NELL1: variants seen among roughly 807,000 people sequenced by gnomAD.
NELL1 encodes the protein neural EGFL like 1, also known as protein kinase C-binding protein NELL1.
In NELL1, 76 loss-of-function variants were observed where a neutral mutation model predicts 107.4. The ratio of observed to expected loss-of-function variants is 0.71; its 90% CI spans 0.59 to 0.86. NELL1 has a LOEUF of 0.86. Among genes scored for constraint, NELL1 ranks in the 40% least tolerant of loss-of-function variants. The pLI is 0.00. For missense variants in NELL1, 1,024 were observed against 1,005.5 expected, an observed-to-expected ratio of 1.02 and a Z score of -0.25; for synonymous variants, 353 against 341.2, an observed-to-expected ratio of 1.03 and a Z score of -0.38.
intron 2 of NELL1, among the ~76,000 whole-genome samples, chr11:20,765,554 T>C (rs1016547258): frequency 6.6e-6 from 1 of 152,154 alleles, no homozygotes; most frequent in Non-Finnish European, 1.5e-5. Flanking sequence ...AGCTGAAGCC[T>C]GAGTGATGAA....
intron 14 of NELL1, among the ~76,000 whole-genome samples, chr11:21,332,980 A>T (rs1850305417): frequency 6.6e-6 from 1 of 152,026 alleles, no homozygotes. Context: ...GTAGAAAATG[A>T]TGTGGTATAA....
chr11:20,827,968 C>A (rs1857921189), intron 3 of NELL1, among the ~76,000 whole-genome samples: 1 of 151,224 alleles, frequency 6.6e-6, no homozygotes, highest in South Asian at 2.1e-4. Flanking sequence ...TACCTACTCC[C>A]AACAGCCTCA....
At chr11:21,190,754 T>C (rs1857032247) in intron 13 of NELL1, among the ~76,000 whole-genome samples, 1 of 151,902 alleles carries the variant, frequency 6.6e-6, no homozygotes, top group South Asian at 2.1e-4. Context: ...TTTTCTCACT[T>C]GATATTGCAA....
chr11:20,814,087 C>T (rs945050447), intron 3 of NELL1, among the ~76,000 whole-genome samples: 3 of 151,912 alleles, frequency 2.0e-5, no homozygotes, highest in Non-Finnish European at 4.4e-5. Context: ...GCTCCACCTC[C>T]CGGGTTCATG....
At chr11:21,254,292 T>A (rs1013322850) in intron 14 of NELL1, among the ~76,000 whole-genome samples, 5 of 152,074 alleles carry the variant, frequency 3.3e-5, no homozygotes, top group African/African-American at 1.2e-4. Context: ...AGAACATTCA[T>A]AATGGTACCT....
intron 15 of NELL1, among the ~76,000 whole-genome samples, chr11:21,402,383 G>A (rs1279859675): frequency 3.3e-5 from 5 of 151,760 alleles, no homozygotes; most frequent in South Asian, 4.1e-4. Context: ...TAATATTTGC[G>A]TTTTACAGAG....
At chr11:20,744,373 T>C (rs917000566) in intron 2 of NELL1, among the ~76,000 whole-genome samples, 3 of 152,246 alleles carry the variant, frequency 2.0e-5, no homozygotes, top group Non-Finnish European at 4.4e-5. Flanking sequence ...ATCAGACCAG[T>C]CTTCTCACTG....
chr11:21,532,356 A>T (rs1443253491), intron 15 of NELL1, among the ~76,000 whole-genome samples: 1 of 152,176 alleles, frequency 6.6e-6, no homozygotes, highest in East Asian at 1.9e-4. Context: ...CTGTGAATTG[A>T]AAAAGTATTT....
Position 21,488,223 on chromosome 11 carries a change from A to T in NELL1, c.1646-46151A>T, listed in dbSNP as rs558190519. 1.2e-4 allele frequency among the ~76,000 whole-genome samples: 19 copies of T among 152,128 alleles called. 1 individual carries two copies. Among genetic ancestry groups the T allele is most frequent in the Non-Finnish European group, 5.9e-5 (4 of 68,026 alleles). On this transcript the variant is annotated intron_variant, in intron 15 of 19. Coordinates refer to ENST00000357134, the MANE Select transcript of NELL1 (RefSeq NM_006157.5). Reference sequence around the variant, plus strand: ...TTTATTGAACAACTACAGAGTATACATTCGTCTCATTAACAAATAGAACAT... The same window carrying T: ...TTTATTGAACAACTACAGAGTATACTTTCGTCTCATTAACAAATAGAACAT...
At chr11:21,499,922 T>C (rs1855092586) in intron 15 of NELL1, among the ~76,000 whole-genome samples, 7 of 152,098 alleles carry the variant, frequency 4.6e-5, no homozygotes, top group Admixed American at 4.6e-4. Flanking sequence ...CTTTAGATAC[T>C]GGCATAGCTT....
At chr11:21,104,059 A>C (rs542882332) in intron 12 of NELL1, among the ~76,000 whole-genome samples, 4 of 152,148 alleles carry the variant, frequency 2.6e-5, no homozygotes, top group Admixed American at 6.6e-5. Flanking sequence ...CCAAAAGACG[A>C]TAGTAGCTTT....
At chr11:21,118,187 C>G (rs1471468789) in intron 13 of NELL1, among the ~76,000 whole-genome samples, 1 of 151,888 alleles carries the variant, frequency 6.6e-6, no homozygotes, top group Non-Finnish European at 1.5e-5. Flanking sequence ...CCCTTGATTG[C>G]CAAGATGAAG....
intron 14 of NELL1, among the ~76,000 whole-genome samples, chr11:21,338,975 AG>A (rs1850500484): frequency 6.6e-6 from 1 of 152,214 alleles, no homozygotes; most frequent in Non-Finnish European, 1.5e-5. Flanking sequence ...CATTTTAAAA[AG>A]ATGGAATCTC....
chr11:21,458,885 A>G (rs191229783), intron 15 of NELL1, among the ~76,000 whole-genome samples: 17 of 152,260 alleles, frequency 1.1e-4, no homozygotes, highest in Admixed American at 4.6e-4. Context: ...CAAATCCTTC[A>G]TCACCATCAC....
intron 3 of NELL1, among the ~76,000 whole-genome samples, chr11:20,820,213 AG>A (rs1158309360): frequency 6.6e-6 from 1 of 152,180 alleles, no homozygotes; most frequent in African/African-American, 2.4e-5. Context: ...GCCTGACATA[AG>A]GTAACCACAG....
At chr11:21,379,911 C>A (rs1404593098) in intron 15 of NELL1, among the ~76,000 whole-genome samples, 1 of 152,032 alleles carries the variant, frequency 6.6e-6, no homozygotes, top group Non-Finnish European at 1.5e-5. Flanking sequence ...AACTGCTTTA[C>A]CCATCCCTGT....
rs116509993 is a variant in NELL1, at chr11:21,560,477, T to A, written c.1980+95T>A. 370 of 1,134,330 alleles carry A rather than the reference T, an allele frequency of 3.3e-4. 1 individual carries two copies. The African/African-American group carries it at 5.2e-3, about 16-fold the overall frequency. The allele number at this position is 1,134,330 out of a possible 1,614,324, so 70.3% of individuals were successfully genotyped here. ...CAGCTCTCTCCCTCTTGCTGTTGAC[T>A]GTAGTTCCTGAACAGGCTTCTCCTG... On this transcript the variant is annotated intron_variant, in intron 17 of 19. Transcript: ENST00000357134.
intron 15 of NELL1, among the ~76,000 whole-genome samples, chr11:21,378,185 G>A (rs1264792743): frequency 2.0e-5 from 3 of 151,334 alleles, no homozygotes; most frequent in Admixed American, 1.3e-4. Flanking sequence ...TCCCCTGGGA[G>A]ACAAAATTTC....
chr11:21,406,402 T>A, intron 15 of NELL1, among the ~76,000 whole-genome samples: 1 of 83,714 alleles, frequency 1.2e-5, no homozygotes, highest in East Asian at 3.6e-4. Flanking sequence ...AATTTTCCAA[T>A]AATAATAATT....
Sources: allele counts gnomAD v4.1 joint callset (sites outside exome capture counted in the v4.1 genomes callset), GRCh38; gene constraint gnomAD v4.1.1; transcripts MANE v1.5; gene names NCBI Gene and HGNC (gene_info 2026-07-23, HGNC 2026-07-21).